Variants in SORBS2 observed in about 807,000 individuals in gnomAD.
SORBS2 encodes the protein sorbin and SH3 domain containing 2, also known as sorbin and SH3 domain-containing protein 2.
A neutral mutation model predicts 97.7 loss-of-function variants in SORBS2; 46 were observed. The observed-to-expected ratio is 0.47, with a 90% CI of 0.37 to 0.60. The LOEUF (loss-of-function observed/expected upper bound fraction) is 0.60. Ranked by LOEUF, SORBS2 falls within the 20% of genes least tolerant of loss-of-function variation. The probability of loss-of-function intolerance (pLI) is 0.00; values close to 1 mark genes in which losing one functional copy is unlikely to be tolerated. For missense variants in SORBS2, 1,316 were observed against 1,282.3 expected, an observed-to-expected ratio of 1.03 and a Z score of -0.40; for synonymous variants, 476 against 473.4, an observed-to-expected ratio of 1.01 and a Z score of -0.07.
chr4:185,665,801 A>C, intron 4 of SORBS2: 2 of 1,103,532 alleles, frequency 1.8e-6, no homozygotes, highest in East Asian at 6.7e-5. Flanking sequence ...CAGGTGGGGG[A>C]GGGTGTCTCA....
intron 1 of SORBS2, among the ~76,000 whole-genome samples, chr4:185,933,615 C>T (rs141589765): frequency 1.1e-4 from 17 of 152,136 alleles, no homozygotes; most frequent in East Asian, 3.9e-4. Context: ...CATCTTTGCA[C>T]GGTATTCCCC....
intron 1 of SORBS2, among the ~76,000 whole-genome samples, chr4:185,782,331 T>C (rs1424568391): frequency 6.6e-6 from 1 of 152,256 alleles, no homozygotes; most frequent in Non-Finnish European, 1.5e-5. Flanking sequence ...CTTCAGGATA[T>C]AATATGTTCT....
intron 1 of SORBS2, among the ~76,000 whole-genome samples, chr4:185,810,525 C>T (rs1164522279): frequency 1.3e-5 from 2 of 152,138 alleles, no homozygotes; most frequent in Non-Finnish European, 2.9e-5. Context: ...AAGTTTTTGA[C>T]CAAACATTTT....
intron 1 of SORBS2, among the ~76,000 whole-genome samples, chr4:185,812,448 T>C (rs2099188372): frequency 1.3e-5 from 2 of 152,182 alleles, no homozygotes. Context: ...ATTTTTCTGC[T>C]CTCCTGAAGA....
chr4:185,935,053 T>C lies in SORBS2; in HGVS notation c.-338+21143A>G, dbSNP rs537228775. On this transcript the variant is annotated intron_variant, in intron 1 of 20. Transcript: ENST00000284776. ...TGCCTTTCTGTTCCAAGTCAAATCATTACAGATATCAAAATCAGCCAACAA... is the reference window on the plus strand; with the variant it reads ...TGCCTTTCTGTTCCAAGTCAAATCACTACAGATATCAAAATCAGCCAACAA... Among the ~76,000 whole-genome samples the C allele has an allele frequency of 2.0e-5, 3 of 152,350 alleles. No homozygotes were observed. In the South Asian group the frequency reaches 6.2e-4, roughly 32 times the overall value.
chr4:185,883,097 C>A (rs2099237663), intron 1 of SORBS2, among the ~76,000 whole-genome samples: 1 of 152,060 alleles, frequency 6.6e-6, no homozygotes, highest in Non-Finnish European at 1.5e-5. Context: ...GTGGAAGATA[C>A]TGCTAAGAGA....
intron 2 of SORBS2, 138 bp from the exon 11 acceptor site, chr4:185,651,966 T>C: frequency 1.0e-5 from 6 of 601,338 alleles, no homozygotes; most frequent in African/African-American, 1.9e-5. Flanking sequence ...ATTTTCTTTC[T>C]TTTTTTCTTT....
chr4:185,949,138 T>C (rs889632073), intron 1 of SORBS2, among the ~76,000 whole-genome samples: 6 of 151,990 alleles, frequency 3.9e-5, no homozygotes, highest in Non-Finnish European at 5.9e-5. Flanking sequence ...GCACATATAA[T>C]GGCAAACATT....
chr4:185,680,322 T>C (rs1000490255), intron 2 of SORBS2, among the ~76,000 whole-genome samples: 2 of 152,170 alleles, frequency 1.3e-5, no homozygotes, highest in Non-Finnish European at 2.9e-5. Context: ...CTTCTAGGAT[T>C]TGATGGAAGC....
chr4:185,651,345 T>C (rs1277448224), intron 2 of SORBS2, among the ~76,000 whole-genome samples: 3 of 152,246 alleles, frequency 2.0e-5, no homozygotes, highest in Admixed American at 2.0e-4. Context: ...ACTCTTTCAA[T>C]GAATGGTTGC....
In SORBS2 at chr4:185,623,438, C is replaced by T; in HGVS notation, c.1691G>A (p.Arg564Lys). The T allele has an allele frequency of 6.2e-7, 1 of 1,611,786 alleles. No homozygotes were observed. The highest frequency in any genetic ancestry group is 8.5e-7 in the Non-Finnish European group (1 of 1,179,996). The change falls in exon 7 of 15, where the codon AGG becomes AAG. Residue 564 changes from arginine (R) to lysine (K), a missense_variant. Physicochemically the swap from Arg to Lys is conservative, Grantham distance 26. Transcript: ENST00000418609. This position sits in a 1 kb window ranked among gnomAD's most constrained non-coding sequence, Gnocchi z 6.4. Reference sequence around the variant, plus strand: ...AAATCGAGTGTAGGAGGCCGGGCACCTGCCTTTGCAGGAGCTGATGAGGTG... The same window carrying T: ...AAATCGAGTGTAGGAGGCCGGGCACTTGCCTTTGCAGGAGCTGATGAGGTG...
intron 1 of SORBS2, among the ~76,000 whole-genome samples, chr4:185,913,896 C>T (rs2099256684): frequency 6.6e-6 from 1 of 152,164 alleles, no homozygotes. Context: ...TTTATAACAT[C>T]CCCATGTGGG....
chr4:185,809,175 T>C (rs975162335), intron 1 of SORBS2, among the ~76,000 whole-genome samples: 2 of 152,076 alleles, frequency 1.3e-5, no homozygotes, highest in African/African-American at 2.4e-5. Flanking sequence ...TAGGAAAATA[T>C]TGAAGTCTGA....
chr4:185,703,037 T>C (rs2098287888), intron 2 of SORBS2, among the ~76,000 whole-genome samples: 2 of 152,188 alleles, frequency 1.3e-5, no homozygotes, highest in African/African-American at 4.8e-5. Context: ...GGGGTACATA[T>C]TAACACATGT....
chr4:185,698,321 CA>C (rs1246899200), intron 2 of SORBS2, among the ~76,000 whole-genome samples: 3 of 152,006 alleles, frequency 2.0e-5, no homozygotes, highest in Admixed American at 1.3e-4. Context: ...TACTAAAATT[CA>C]AAAATTAGCC....
intron 12 of SORBS2, among the ~76,000 whole-genome samples, chr4:185,609,770 G>A (rs1250710321): frequency 6.6e-6 from 1 of 152,198 alleles, no homozygotes; most frequent in African/African-American, 2.4e-5. Context: ...TTCTCTGTTT[G>A]TAAATATCAG....
rs149712083 is a variant in SORBS2 at position 185,752,477 on chromosome 4, C to T, written c.-198+22750G>A. Among the ~76,000 whole-genome samples the T allele has an allele frequency of 4.2e-3, 633 of 152,220 alleles. 6 individuals carry two copies. Among genetic ancestry groups the T allele is most frequent in the African/African-American group, 0.015 (603 of 41,552 alleles). On this transcript the variant is annotated intron_variant, in intron 2 of 20. Transcript: ENST00000284776. The stretch of plus-strand genomic sequence containing the variant: ...TTTTTTAGTAGATATGGGGTTTCAC[C>T]GTGTTGGCCAGGATGGTCTCGATCT...
intron 1 of SORBS2, among the ~76,000 whole-genome samples, chr4:185,908,076 C>T (rs1025835775): frequency 1.1e-4 from 16 of 151,904 alleles, no homozygotes; most frequent in Non-Finnish European, 1.2e-4. Context: ...CATGCACATT[C>T]TCCCAAAACA....
intron 9 of SORBS2, among the ~76,000 whole-genome samples, chr4:185,616,593 G>C (rs1438258810): frequency 2.1e-5 from 3 of 145,650 alleles, no homozygotes; most frequent in Non-Finnish European, 3.0e-5. Flanking sequence ...ATTTTTCAAA[G>C]CTATGAAAAA....
Sources: allele counts gnomAD v4.1 joint callset (sites outside exome capture counted in the v4.1 genomes callset), GRCh38; gene constraint gnomAD v4.1.1; non-coding constraint Gnocchi (gnomAD v3.1); transcripts MANE v1.5; gene names NCBI Gene and HGNC (gene_info 2026-07-23, HGNC 2026-07-21).